TASOR2: variants seen among roughly 807,000 people sequenced by gnomAD.
TASOR2 encodes transcription activation suppressor family member 2, also known as protein TASOR 2.
TASOR2 carries 84 observed loss-of-function variants against 199.5 expected under a neutral mutation model. That is an observed-to-expected ratio of 0.42 (90% confidence interval 0.35 to 0.50). TASOR2 has a LOEUF of 0.50. Among genes scored for constraint, TASOR2 ranks in the 20% least tolerant of loss-of-function variants. The pLI is 0.02. For missense variants in TASOR2, 2,796 were observed against 2,835.9 expected (o/e 0.99, Z 0.32); for synonymous variants, 1,103 against 1,046.6 (o/e 1.05, Z -1.04).
At chr10:5,761,626 A>G in intron 19 of TASOR2, 155 bp downstream of exon 20, 1 of 640,454 alleles carries the variant, frequency 1.6e-6, no homozygotes. Context: ...TGAAGCCCTT[A>G]TATAAAATGT....
At chr10:5,713,060 A>G in intron 2 of TASOR2, 142 bp downstream of exon 2, 2 of 409,504 alleles carry the variant, frequency 4.9e-6, no homozygotes, top group Non-Finnish European at 8.4e-6. Context: ...GACAGCAACA[A>G]AAAAGCCAGT....
chr10:5,729,669 C>G (rs1384375234), intron 10 of TASOR2, among the ~76,000 whole-genome samples: 1 of 152,106 alleles, frequency 6.6e-6, no homozygotes, highest in Non-Finnish European at 1.5e-5. Flanking sequence ...GTGTTTCATT[C>G]TGAAGTTACT....
chr10:5,693,322 T>C (rs1836715538), intron 1 of TASOR2, among the ~76,000 whole-genome samples: 2 of 152,162 alleles, frequency 1.3e-5, no homozygotes, highest in South Asian at 4.1e-4. Context: ...AGAACAGGGA[T>C]TGCACATTGA....
At chr10:5,755,321 C>T (rs1182131484) in intron 15 of TASOR2, among the ~76,000 whole-genome samples, 2 of 152,008 alleles carry the variant, frequency 1.3e-5, no homozygotes, top group Non-Finnish European at 2.9e-5. Flanking sequence ...GCCTGTAATC[C>T]CAGCACTTTG....
At chr10:5,688,395 A>ATTTTTTT (rs34362647) in intron 1 of TASOR2, among the ~76,000 whole-genome samples, 100 of 99,880 alleles carry the variant, frequency 1.0e-3, no homozygotes, top group African/African-American at 1.2e-3. Context: ...CTAATTTTTA[A>ATTTTTTT]TTTTTTTTTT....
intron 2 of TASOR2, among the ~76,000 whole-genome samples, chr10:5,713,175 T>C (rs1832140158): frequency 6.6e-6 from 1 of 152,210 alleles, no homozygotes; most frequent in Admixed American, 6.5e-5. Context: ...TAAAACAGTT[T>C]TCTTTAGTGT....
rs1326040760 is a variant in TASOR2 at position 5,740,889 on chromosome 10, A to G, written c.2327+392A>G. On this transcript the variant is annotated intron_variant, in intron 13 of 20. Coordinates refer to ENST00000328090, the Ensembl canonical transcript of TASOR2. The surrounding 1 kb of genome is among the most constrained non-coding windows in gnomAD (Gnocchi z 5.3). Reference sequence around the variant, plus strand: ...ATTTTAAAAATCACTGTAGCTTGGTAAATTGGTCAGATTGATAGGAGTAAG... The same window carrying G: ...ATTTTAAAAATCACTGTAGCTTGGTGAATTGGTCAGATTGATAGGAGTAAG... Among the ~76,000 whole-genome samples the G allele has an allele frequency of 6.6e-6, 1 of 152,238 alleles. No homozygotes were observed. The highest frequency in any genetic ancestry group is 1.5e-5 in the Non-Finnish European group (1 of 68,040).
chr10:5,741,898 G>A (rs776888706), intron 13 of TASOR2, among the ~76,000 whole-genome samples, 199 bp from the exon 15 acceptor site: 7 of 152,170 alleles, frequency 4.6e-5, no homozygotes, highest in Admixed American at 1.3e-4. Flanking sequence ...CTCAGTTCCC[G>A]TCTCTGTAAA....
chr10:5,753,964 G>C (rs1374438954), intron 15 of TASOR2, among the ~76,000 whole-genome samples: 1 of 152,098 alleles, frequency 6.6e-6, no homozygotes, highest in Non-Finnish European at 1.5e-5. Context: ...TCACGTACAC[G>C]TTTTGGCACA....
chr10:5,690,408 C>T lies in TASOR2; in HGVS notation c.-288+5233C>T, dbSNP rs1171178128. Among the ~76,000 whole-genome samples the T allele has an allele frequency of 1.3e-5, 2 of 152,334 alleles. No individual in the cohort carries two copies. Among genetic ancestry groups the T allele is most frequent in the Non-Finnish European group, 2.9e-5 (2 of 68,028 alleles). On this transcript the variant is annotated intron_variant, in intron 1 of 20. Coordinates refer to ENST00000328090, the Ensembl canonical transcript of TASOR2. The surrounding 1 kb of genome is among the most constrained non-coding windows in gnomAD (Gnocchi z 4.8). ...CCCTGTTTAGAACCTTTCATGTACA[C>T]CTGCTCCCTCATTAGGAGAAGGAAT...
At chr10:5,734,279 C>A (rs1835249633) in intron 11 of TASOR2, among the ~76,000 whole-genome samples, 1 of 152,106 alleles carries the variant, frequency 6.6e-6, no homozygotes, top group Admixed American at 6.5e-5. Context: ...TATTTTTATG[C>A]CATGTGAGAA....
chr10:5,714,342 T>G, intron 2 of TASOR2, 135 bp downstream of exon 3: 1 of 468,130 alleles, frequency 2.1e-6, no homozygotes, highest in Non-Finnish European at 3.4e-6. Context: ...AATGTTTAGA[T>G]TTCTAACTTT....
chr10:5,695,201 G>C (rs1383709232), intron 1 of TASOR2, among the ~76,000 whole-genome samples: 1 of 152,178 alleles, frequency 6.6e-6, no homozygotes, highest in South Asian at 2.1e-4. Context: ...GAATTGGACT[G>C]GATGCTGAGT....
In TASOR2 at chr10:5,746,747, A is replaced by T. The variant is rs769934990; in HGVS notation, c.3326A>T (p.Asp1109Val). ...AATGCACGAACACAAGGCCTGAGGG[A>T]CATTCCCTCTCTAGTAGTTGCAGGA... Residue 1109 changes from aspartate to valine, a missense_variant, in exon 15 of 21, where the codon GAC becomes GTC. Physicochemically the swap from Asp to Val is radical, Grantham distance 152. Around this residue, in one of 3 missense-constraint regions of TASOR2, gnomAD observed 1,941 missense variants for 1,924.9 expected, o/e 1.01. Coordinates refer to ENST00000328090, the Ensembl canonical transcript of TASOR2. The T allele has an allele frequency of 5.6e-6, 9 of 1,614,160 alleles. No individual in the cohort carries two copies. The South Asian group carries it at 9.9e-5, about 18-fold the overall frequency.
At chr10:5,761,314 G>C in exon 19 of TASOR2, 1 of 1,613,558 alleles carries the variant, frequency 6.2e-7, no homozygotes, top group Non-Finnish European at 8.5e-7. Context: ...CACATAAGAA[G>C]AACATAATGT....
chr10:5,763,243 A>G (rs374720345), exon 21 of TASOR2: 7 of 460,432 alleles, frequency 1.5e-5, no homozygotes, highest in African/African-American at 2.0e-5. Flanking sequence ...TTGCAGTGCT[A>G]GATATTGTTT....
rs1838102459 is a variant in TASOR2 at position 5,751,987 on chromosome 10, A to G, written c.6606+1960A>G. Among the ~76,000 whole-genome samples the G allele has an allele frequency of 6.6e-6, 1 of 151,486 alleles. No individual in the cohort carries two copies. The highest frequency in any genetic ancestry group is 6.6e-5 in the Admixed American group (1 of 15,210). On this transcript the variant is annotated intron_variant, in intron 15 of 20. Coordinates refer to ENST00000328090, the Ensembl canonical transcript of TASOR2. The surrounding 1 kb of genome is among the most constrained non-coding windows in gnomAD (Gnocchi z 5.3). ...AGTGTTTTGACTTATTGTCCCTCCC[A>G]AGTCCCCCTCCCCCATCCTCCTCCC...
Position 5,722,351 on chromosome 10 carries a change from G to A in TASOR2, c.147-1326G>A, listed in dbSNP as rs1247497504. Among the ~76,000 whole-genome samples the A allele has an allele frequency of 6.6e-6, 1 of 152,146 alleles. No individual in the cohort carries two copies. Among genetic ancestry groups the A allele is most frequent in the Non-Finnish European group, 1.5e-5 (1 of 68,036 alleles). The stretch of plus-strand genomic sequence containing the variant: ...CGTGCCTGTGATCCTAGCTACTGGG[G>A]ACGCTGAGGCAGGAGAATCACTTGA... On this transcript the variant is annotated intron_variant, in intron 6 of 20. Coordinates refer to ENST00000328090, the Ensembl canonical transcript of TASOR2. This position sits in a 1 kb window ranked among gnomAD's most constrained non-coding sequence, Gnocchi z 4.0.
In TASOR2 at chr10:5,698,427, A is replaced by C. The variant is rs1837405739; in HGVS notation, c.-288+13252A>C. Among the ~76,000 whole-genome samples the C allele has an allele frequency of 6.6e-6, 1 of 152,222 alleles. No homozygotes were observed. Among genetic ancestry groups the C allele is most frequent in the Non-Finnish European group, 1.5e-5 (1 of 68,036 alleles). Reference sequence around the variant, plus strand: ...CTGTTAATAAACATTAGTTAACCGAACAGTTATATGATTAAAAATAAAAAA... The same window carrying C: ...CTGTTAATAAACATTAGTTAACCGACCAGTTATATGATTAAAAATAAAAAA... On this transcript the variant is annotated intron_variant, in intron 1 of 20. Transcript: ENST00000328090. This position sits in a 1 kb window ranked among gnomAD's most constrained non-coding sequence, Gnocchi z 4.4.
Sources: gnomAD v4.1 joint callset for allele counts (sites outside exome capture counted in the v4.1 genomes callset) on GRCh38, gnomAD v4.1.1 for gene constraint, gnomAD v4.1.1 regional missense constraint, Gnocchi (gnomAD v3.1) non-coding constraint, MANE v1.5 for transcripts, NCBI Gene and HGNC (gene_info 2026-07-23, HGNC 2026-07-21) for gene names.